The following UVRAG variants were observed in gnomAD, a reference collection of about 807,000 sequenced individuals.
The protein encoded by UVRAG is UV radiation resistance associated.
Under a neutral mutation model 78.0 loss-of-function variants are expected in UVRAG, and 19 were observed. The ratio of observed to expected loss-of-function variants is 0.24; its 90% CI spans 0.17 to 0.36. The LOEUF (loss-of-function observed/expected upper bound fraction) is 0.36, where lower values mean the gene tolerates loss of function less well. UVRAG is among the 10% of genes least tolerant of loss of function. The pLI is 1.00. For missense variants in UVRAG, 740 were observed against 853.8 expected, an observed-to-expected ratio of 0.87 and a Z score of 1.66; for synonymous variants, 323 against 324.6, an observed-to-expected ratio of 1.00 and a Z score of 0.05.
intron 12 of UVRAG, among the ~76,000 whole-genome samples, chr11:76,058,304 G>A (rs910419505): frequency 1.3e-5 from 2 of 152,052 alleles, no homozygotes; most frequent in Admixed American, 1.3e-4. Context: ...GCTGAAGTGG[G>A]AGGATTGCTT....
At chr11:75,931,280 G>A (rs545931525) in intron 6 of UVRAG, among the ~76,000 whole-genome samples, 12 of 152,068 alleles carry the variant, frequency 7.9e-5, no homozygotes, top group East Asian at 3.9e-4. Context: ...CAAATGTCAC[G>A]TTATGACACC....
intron 12 of UVRAG, among the ~76,000 whole-genome samples, chr11:76,044,911 G>C (rs1051564956): frequency 6.6e-6 from 1 of 152,154 alleles, no homozygotes; most frequent in East Asian, 1.9e-4. Flanking sequence ...AGCAATTGAC[G>C]TAGCAGACTG....
In UVRAG at chr11:75,815,535, G is replaced by A; in HGVS notation, c.117+11G>A. On this transcript the variant is annotated intron_variant, in intron 1 of 14. Transcript: ENST00000356136. Reference sequence around the variant, plus strand: ...CTGCCGTCTCAGCAGGTAAGCCCGCGCGGCTCGCAGCACTCGGGAGGGACC... The same window carrying A: ...CTGCCGTCTCAGCAGGTAAGCCCGCACGGCTCGCAGCACTCGGGAGGGACC... 1.6e-6 allele frequency: 2 copies of A among 1,230,116 alleles called. No individual in the cohort carries two copies. The highest frequency in any genetic ancestry group is 2.0e-6 in the Non-Finnish European group (2 of 985,052). 76.2% of individuals were successfully genotyped at this position (1,230,116 alleles called of 1,614,324 possible). A position where few individuals can be genotyped will look rare whatever the true frequency, so the allele number is the denominator to read the frequency against.
intron 11 of UVRAG, among the ~76,000 whole-genome samples, chr11:76,009,814 A>G (rs1300629586): frequency 6.6e-6 from 1 of 152,222 alleles, no homozygotes; most frequent in Non-Finnish European, 1.5e-5. Flanking sequence ...GTAATTTGGA[A>G]CAAGTAATGT....
intron 3 of UVRAG, among the ~76,000 whole-genome samples, chr11:75,876,458 T>G (rs542638852): frequency 6.6e-6 from 1 of 152,354 alleles, no homozygotes; most frequent in South Asian, 2.1e-4. Context: ...GTCTTCACAT[T>G]TAATTGAAAC....
intron 6 of UVRAG, among the ~76,000 whole-genome samples, chr11:75,958,238 ACT>A (rs1948839829): frequency 6.6e-6 from 1 of 151,910 alleles, no homozygotes. Context: ...ATATCAGTTG[ACT>A]CTTCTTTCGT....
intron 13 of UVRAG, among the ~76,000 whole-genome samples, chr11:76,105,025 G>A (rs575652032): frequency 6.6e-6 from 1 of 152,250 alleles, no homozygotes; most frequent in African/African-American, 2.4e-5. Flanking sequence ...AGCTAGATTA[G>A]GCAGAAATGG....
At chr11:75,926,151 G>A (rs1948098731) in intron 6 of UVRAG, among the ~76,000 whole-genome samples, 1 of 152,112 alleles carries the variant, frequency 6.6e-6, no homozygotes, top group African/African-American at 2.4e-5. Context: ...GCCCTCCAGA[G>A]TGTGCTTAAT....
chr11:75,865,771 T>C (rs559012219), intron 3 of UVRAG, among the ~76,000 whole-genome samples: 199 of 152,142 alleles, frequency 1.3e-3, no homozygotes, highest in Non-Finnish European at 2.2e-3. Context: ...CCCGCCAGCA[T>C]GCCCGGCTAA....
At chr11:75,917,667 A>G (rs1274011767) in intron 6 of UVRAG, among the ~76,000 whole-genome samples, 1 of 152,162 alleles carries the variant, frequency 6.6e-6, no homozygotes, top group African/African-American at 2.4e-5. Flanking sequence ...GTCTGGAGCC[A>G]CACTCATCGC....
intron 13 of UVRAG, 62 bp downstream of exon 13, chr11:76,065,850 C>A (rs1442841884): frequency 1.3e-5 from 19 of 1,518,214 alleles, no homozygotes; most frequent in Non-Finnish European, 1.6e-5. Flanking sequence ...CTTAGATTGC[C>A]AGCCTTTTTT....
chr11:76,091,887 A>G (rs1951705024), intron 13 of UVRAG, among the ~76,000 whole-genome samples: 1 of 151,852 alleles, frequency 6.6e-6, no homozygotes, highest in Admixed American at 6.6e-5. Flanking sequence ...CACAACGTGC[A>G]GGTTTGTTAC....
At chr11:75,992,096 T>A (rs75150298) in intron 8 of UVRAG, among the ~76,000 whole-genome samples, 1 of 152,326 alleles carries the variant, frequency 6.6e-6, no homozygotes, top group East Asian at 1.9e-4. Context: ...CAGATGAGGA[T>A]GATTTGTCCA....
At chr11:75,860,480 A>G (rs532041877) in intron 2 of UVRAG, among the ~76,000 whole-genome samples, 38 of 152,362 alleles carry the variant, frequency 2.5e-4, no homozygotes, top group Non-Finnish European at 4.7e-4. Context: ...CCTGTAATAA[A>G]AAACAATAGT....
intron 13 of UVRAG, among the ~76,000 whole-genome samples, chr11:76,069,296 G>A (rs1291714396): frequency 6.6e-6 from 1 of 152,068 alleles, no homozygotes; most frequent in Non-Finnish European, 1.5e-5. Flanking sequence ...CTGTCTAAAG[G>A]TGTGTGTGTG....
At chr11:75,907,894 A>C (rs979565866) in intron 5 of UVRAG, among the ~76,000 whole-genome samples, 1 of 152,112 alleles carries the variant, frequency 6.6e-6, no homozygotes, top group African/African-American at 2.4e-5. Flanking sequence ...AATCTTTAAA[A>C]AATTTTTTTT....
intron 7 of UVRAG, among the ~76,000 whole-genome samples, chr11:75,966,655 A>G (rs1172366731): frequency 6.6e-6 from 1 of 152,138 alleles, no homozygotes; most frequent in African/African-American, 2.4e-5. Context: ...GACTCTTCAT[A>G]TATTGGGTAA....
intron 12 of UVRAG, among the ~76,000 whole-genome samples, chr11:76,024,441 A>G (rs1276115722): frequency 6.6e-6 from 1 of 152,108 alleles, no homozygotes; most frequent in East Asian, 1.9e-4. Flanking sequence ...TGAATTTTAT[A>G]TTCTTCCTCT....
intron 13 of UVRAG, among the ~76,000 whole-genome samples, chr11:76,081,206 GTCTC>G (rs548840353): frequency 1.3e-5 from 2 of 151,844 alleles, no homozygotes; most frequent in Admixed American, 6.6e-5. Context: ...CATTGAGCCA[GTCTC>G]TCTCTTTTTT....
Sources: allele counts gnomAD v4.1 joint callset (sites outside exome capture counted in the v4.1 genomes callset), GRCh38; gene constraint gnomAD v4.1.1; transcripts MANE v1.5; gene names NCBI Gene and HGNC (gene_info 2026-07-23, HGNC 2026-07-21).